CNTN1: variants seen among roughly 807,000 people sequenced by gnomAD.
The protein encoded by CNTN1 is contactin 1, also known as contactin-1.
In CNTN1, 38 loss-of-function variants were observed where a neutral mutation model predicts 126.4. The observed-to-expected ratio is 0.30, with a 90% confidence interval of 0.23 to 0.39. The LOEUF (loss-of-function observed/expected upper bound fraction) is 0.39. Ranked by LOEUF, CNTN1 falls within the 10% of genes least tolerant of loss-of-function variation. The pLI is 1.00. For missense variants in CNTN1, 1,009 were observed against 1,248.4 expected, an observed-to-expected ratio of 0.81 and a Z score of 2.89; for synonymous variants, 413 against 422.6, an observed-to-expected ratio of 0.98 and a Z score of 0.28.
At chr12:40,719,819 A>G (rs905338658) in intron 1 of CNTN1, among the ~76,000 whole-genome samples, 4 of 152,112 alleles carry the variant, frequency 2.6e-5, no homozygotes, top group African/African-American at 9.7e-5. Context: ...GAATAGTTCG[A>G]CATTCATCAA....
chr12:41,017,381 CA>C (rs1178250513), intron 19 of CNTN1, among the ~76,000 whole-genome samples: 452 of 79,618 alleles, frequency 5.7e-3, no homozygotes, highest in East Asian at 0.029. Context: ...GACTCCGTCT[CA>C]AAAAAAAAAA....
chr12:40,730,378 T>C (rs1942463629), intron 1 of CNTN1, among the ~76,000 whole-genome samples: 1 of 152,202 alleles, frequency 6.6e-6, no homozygotes, highest in Non-Finnish European at 1.5e-5. Context: ...CTGTGGAGGA[T>C]GATGGGGAAA....
At chr12:40,923,818 A>T (rs1053916171) in intron 5 of CNTN1, among the ~76,000 whole-genome samples, 4 of 152,188 alleles carry the variant, frequency 2.6e-5, no homozygotes, top group African/African-American at 9.7e-5. Flanking sequence ...AACACTTAGC[A>T]TAGATGAATT....
At chr12:40,696,431 G>A (rs754815644) in intron 1 of CNTN1, among the ~76,000 whole-genome samples, 1 of 152,214 alleles carries the variant, frequency 6.6e-6, no homozygotes, top group Non-Finnish European at 1.5e-5. Context: ...ATGCCTGGAT[G>A]AGTCCAGTAG....
chr12:40,996,160 A>G (rs1175247530), intron 17 of CNTN1, among the ~76,000 whole-genome samples: 1 of 150,780 alleles, frequency 6.6e-6, no homozygotes, highest in East Asian at 1.9e-4. Context: ...TTTTTTAGAC[A>G]GTTCAGTGGC....
At chr12:41,006,072 A>G (rs527256722) in intron 17 of CNTN1, among the ~76,000 whole-genome samples, 2 of 152,290 alleles carry the variant, frequency 1.3e-5, no homozygotes, top group South Asian at 4.1e-4. Flanking sequence ...AAGCTTTGAA[A>G]TTGACAACCT....
At chr12:41,023,807 G>T (rs1460120631) in intron 20 of CNTN1, among the ~76,000 whole-genome samples, 5 of 152,138 alleles carry the variant, frequency 3.3e-5, no homozygotes, top group Non-Finnish European at 5.9e-5. Flanking sequence ...GTTTTGGTCT[G>T]AATCTCTTTG....
At chr12:40,858,732 C>T (rs1350061076) in intron 1 of CNTN1, among the ~76,000 whole-genome samples, 2 of 152,066 alleles carry the variant, frequency 1.3e-5, no homozygotes, top group Non-Finnish European at 2.9e-5. Flanking sequence ...CAACCCAAAT[C>T]CTCAACAGTG....
At chr12:40,873,196 A>T (rs1943563563) in intron 1 of CNTN1, among the ~76,000 whole-genome samples, 2 of 152,200 alleles carry the variant, frequency 1.3e-5, no homozygotes, top group Admixed American at 1.3e-4. Flanking sequence ...CCTAAGTAAA[A>T]ATTCTAAAAA....
At chr12:40,934,054 A>G (rs1202942800) in intron 9 of CNTN1, among the ~76,000 whole-genome samples, 176 bp downstream of exon 9, 1 of 152,098 alleles carries the variant, frequency 6.6e-6, no homozygotes, top group African/African-American at 2.4e-5. Flanking sequence ...ACTATGAGTT[A>G]TAGAAGTTAC....
chr12:41,018,409 C>T (rs562309137), intron 19 of CNTN1, among the ~76,000 whole-genome samples: 8 of 152,012 alleles, frequency 5.3e-5, no homozygotes, highest in African/African-American at 1.4e-4. Flanking sequence ...GTATATTCAT[C>T]GGTCACAGAA....
In CNTN1 at chr12:41,020,365, T is replaced by C. The variant is rs775065519; in HGVS notation, c.2448T>C (p.Gly816=). The change falls in exon 20 of 24, where the codon GGT becomes GGC. Residue 816 remains glycine, a synonymous_variant. Transcript: ENST00000551295. ...CCAGTGAAGCCCCAACAGAAGTAGG[T>C]GTAAAAGTCTTATCATCTTCTGAGA... ...DAPSEAPTEV[G]VKVLSSSEIS... is the part of the protein sequence containing the mutation. The C allele has an allele frequency of 1.6e-5, 26 of 1,612,516 alleles. No homozygotes were observed. Among genetic ancestry groups the C allele is most frequent in the Non-Finnish European group, 2.2e-5 (26 of 1,179,092 alleles).
rs181300215 is a variant in CNTN1 at position 40,731,841 on chromosome 12, C to G, written c.-77+39249C>G. Among the ~76,000 whole-genome samples the G allele has an allele frequency of 7.4e-4, 113 of 152,000 alleles. 1 individual carries two copies. The highest frequency in any genetic ancestry group is 2.7e-3 in the African/African-American group (110 of 41,504). ...ATATTTAAATATCCCAGTAATTTAA[C>G]TGTGGTTATCTCTGACTGGGGCTCT... On this transcript the variant is annotated intron_variant, in intron 1 of 23. Coordinates refer to ENST00000551295, the MANE Select transcript of CNTN1 (RefSeq NM_001843.4).
chr12:40,719,985 A>G (rs1942152296), intron 1 of CNTN1, among the ~76,000 whole-genome samples: 1 of 148,884 alleles, frequency 6.7e-6, no homozygotes, highest in Non-Finnish European at 1.5e-5. Flanking sequence ...TTACAGGCGC[A>G]TGCACCACGC....
At chr12:40,864,653 T>C (rs542890356) in intron 1 of CNTN1, among the ~76,000 whole-genome samples, 1 of 152,318 alleles carries the variant, frequency 6.6e-6, no homozygotes, top group South Asian at 2.1e-4. Flanking sequence ...ATTGATATTG[T>C]ATCATGTAAA....
At chr12:40,850,693 T>C (rs1942684588) in intron 1 of CNTN1, among the ~76,000 whole-genome samples, 1 of 152,132 alleles carries the variant, frequency 6.6e-6, no homozygotes, top group Non-Finnish European at 1.5e-5. Context: ...GTATAAATAG[T>C]TTTTGTATTC....
At chr12:40,778,700 C>A (rs372091304) in intron 1 of CNTN1, among the ~76,000 whole-genome samples, 1 of 151,694 alleles carries the variant, frequency 6.6e-6, no homozygotes, top group East Asian at 1.9e-4. Context: ...CCAAAAAAAA[C>A]CTAAGACAAA....
At chr12:40,774,384 G>T (rs1939492903) in intron 1 of CNTN1, among the ~76,000 whole-genome samples, 1 of 151,592 alleles carries the variant, frequency 6.6e-6, no homozygotes, top group South Asian at 2.1e-4. Flanking sequence ...TCAAAGACTG[G>T]ATTCATCTCT....
intron 16 of CNTN1, among the ~76,000 whole-genome samples, chr12:40,987,820 C>A (rs1380736254): frequency 6.6e-6 from 1 of 152,064 alleles, no homozygotes; most frequent in African/African-American, 2.4e-5. Context: ...TAAAGTAGAA[C>A]CAGTTTTTAT....
Sources: allele counts gnomAD v4.1 joint callset (sites outside exome capture counted in the v4.1 genomes callset), GRCh38; gene constraint gnomAD v4.1.1; transcripts MANE v1.5; gene names NCBI Gene and HGNC (gene_info 2026-07-23, HGNC 2026-07-21).